MTPN: variants seen among roughly 807,000 people sequenced by gnomAD.
The protein encoded by MTPN is granule cell differentiation protein.
In MTPN, 2 loss-of-function variants were observed where a neutral mutation model predicts 13.5. That is an observed-to-expected ratio of 0.15 (90% CI 0.06 to 0.47). The LOEUF is 0.47. MTPN is among the 20% of genes least tolerant of loss of function. MTPN has a pLI of 0.97. For synonymous variants in MTPN, 46 were observed against 51.7 expected (o/e 0.89, Z 0.48); for missense variants, 79 against 137.9 (o/e 0.57, Z 2.14).
chr7:135,970,454 G>T (rs1228376583), intron 1 of MTPN, among the ~76,000 whole-genome samples: 2 of 151,984 alleles, frequency 1.3e-5, no homozygotes, highest in East Asian at 3.8e-4. Context: ...GCCAATTTTT[G>T]TCTTCTTTAT....
At chr7:135,964,195 T>C (rs1367591048) in intron 1 of MTPN, among the ~76,000 whole-genome samples, 1 of 152,024 alleles carries the variant, frequency 6.6e-6, no homozygotes, top group African/African-American at 2.4e-5. Context: ...TAACTTTATC[T>C]TAACAAACTG....
At position 135,969,450 on chromosome 7, in the gene MTPN, TTATAA is replaced by T. The variant is rs1413320325; in HGVS notation, c.72+7574_72+7578del. The stretch of plus-strand genomic sequence containing the variant: ...TTAATTTGCATTTTCCTAATATCTG[TTATAA>T]TATATACCACTTAACGTGCAAAAAA... On this transcript the variant is annotated intron_variant, in intron 1 of 3. Transcript: ENST00000393085. 3.3e-5 allele frequency among the ~76,000 whole-genome samples: 5 copies of T among 151,620 alleles called. No individual in the cohort carries two copies. In the East Asian group the frequency reaches 9.7e-4, roughly 29 times the overall value.
chr7:135,969,091 G>T (rs1414339279), intron 1 of MTPN, among the ~76,000 whole-genome samples: 2 of 110,176 alleles, frequency 1.8e-5, no homozygotes, highest in African/African-American at 6.7e-5. Flanking sequence ...TGTGGGGTGG[G>T]GGGGGGGGAG....
Position 135,951,504 on chromosome 7 carries a change from G to A in MTPN, c.186+13C>T, listed in dbSNP as rs1052326436. On this transcript the variant is annotated intron_variant, in intron 2 of 3. Transcript: ENST00000393085. ...AGAAAATTTTTTCAAGAATGATCAC[G>A]TCCTCTACGTACATTAATATCTGCT... The A allele has an allele frequency of 5.1e-6, 8 of 1,574,078 alleles. No homozygotes were observed. The highest frequency in any genetic ancestry group is 1.1e-5 in the South Asian group (1 of 87,342).
intron 1 of MTPN, among the ~76,000 whole-genome samples, chr7:135,965,254 G>A (rs1377929487): frequency 6.6e-6 from 1 of 151,954 alleles, no homozygotes; most frequent in Non-Finnish European, 1.5e-5. Flanking sequence ...TTTAAAACTT[G>A]TACACAACAT....
chr7:135,957,178 A>G (rs1443761), intron 1 of MTPN, among the ~76,000 whole-genome samples: 12,036 of 152,284 alleles, frequency 0.079, 537 homozygotes, highest in Admixed American at 0.1. Context: ...TGTAATCTAA[A>G]TAACATATAT....
intron 3 of MTPN, among the ~76,000 whole-genome samples, chr7:135,930,515 C>T (rs766757420): frequency 1.3e-5 from 2 of 152,124 alleles, no homozygotes; most frequent in South Asian, 2.1e-4. Context: ...GCCTGAGATG[C>T]GGACTATAAG....
chr7:135,960,444 C>T (rs978667312), intron 1 of MTPN, among the ~76,000 whole-genome samples: 1 of 151,966 alleles, frequency 6.6e-6, no homozygotes, highest in Non-Finnish European at 1.5e-5. Flanking sequence ...TCTTCTAGTA[C>T]ATAAGCAGGT....
rs778178216 is a variant in MTPN, at chr7:135,977,122, T to C, written c.-22A>G. 3 of 1,613,558 alleles carry C rather than the reference T, an allele frequency of 1.9e-6. No individual in the cohort carries two copies. The African/African-American group carries it at 4.0e-5, about 22-fold the overall frequency. On this transcript the variant is annotated 5_prime_UTR_variant, in exon 1 of 4. Transcript: ENST00000393085. ...ACATCACTGCAGCGGGGCAGGCCGG[T>C]TGGCCGGGCAGAAGATGAGGAGGCG...
At chr7:135,931,327 G>C (rs1188509178) in intron 3 of MTPN, among the ~76,000 whole-genome samples, 1 of 152,144 alleles carries the variant, frequency 6.6e-6, no homozygotes. Context: ...ATCAGAACAG[G>C]ATGTGGCAGG....
rs116499168 is a variant in MTPN, at chr7:135,954,062, T to C, written c.73-2432A>G. ...TAGCACTCCAACTCTACCACTTAGT[T>C]GTGGGACCAGAGACCAGGTACTTTC... On this transcript the variant is annotated intron_variant, in intron 1 of 3. Transcript: ENST00000393085. Among the ~76,000 whole-genome samples the C allele has an allele frequency of 9.0e-3, 1,378 of 152,276 alleles. 28 individuals are homozygous for C. The highest frequency in any genetic ancestry group is 0.031 in the African/African-American group (1,290 of 41,554).
chr7:135,959,982 G>C (rs2116391603), intron 1 of MTPN, among the ~76,000 whole-genome samples: 1 of 151,862 alleles, frequency 6.6e-6, no homozygotes, highest in East Asian at 1.9e-4. Context: ...CTTATTAAAT[G>C]GTTTATTCTA....
chr7:135,970,734 T>TA lies in MTPN; in HGVS notation c.72+6294dup, dbSNP rs1048612312. On this transcript the variant is annotated intron_variant, in intron 1 of 3. Transcript: ENST00000393085. ...CTGAATGAACATTTATGTTCCAATG[T>TA]AAAAAAAGATCTTCCTCTATTTTAT... 9.2e-5 allele frequency among the ~76,000 whole-genome samples: 14 copies of TA among 152,160 alleles called. No individual in the cohort carries two copies. The East Asian group carries it at 2.5e-3, about 27-fold the overall frequency.
chr7:135,945,480 A>T (rs962561858), intron 3 of MTPN, among the ~76,000 whole-genome samples: 12 of 152,138 alleles, frequency 7.9e-5, no homozygotes, highest in Non-Finnish European at 1.6e-4. Context: ...CTAATTAAAA[A>T]TTTTTTAAAA....
intron 1 of MTPN, among the ~76,000 whole-genome samples, chr7:135,974,054 T>C (rs1799736634): frequency 6.6e-6 from 1 of 152,198 alleles, no homozygotes; most frequent in African/African-American, 2.4e-5. Flanking sequence ...TAAATTTTTC[T>C]CTCAATACTG....
rs537058267 is a variant in MTPN, at chr7:135,930,675, G to A, written c.271-663C>T. On this transcript the variant is annotated intron_variant, in intron 3 of 3. Coordinates refer to ENST00000393085, the MANE Select transcript of MTPN (RefSeq NM_145808.4). ...TGTATGTGCCCTTTTGTGCCTGTAT[G>A]TTGTTTCATCTGTCTACCCTTTCTG... Among the ~76,000 whole-genome samples the A allele has an allele frequency of 7.5e-4, 114 of 152,220 alleles. 3 individuals carry two copies. In the South Asian group the frequency reaches 0.023, roughly 30 times the overall value.
chr7:135,931,500 T>C (rs145629426), intron 3 of MTPN, among the ~76,000 whole-genome samples: 8 of 152,262 alleles, frequency 5.3e-5, no homozygotes, highest in African/African-American at 1.9e-4. Flanking sequence ...AAAGTCTCTA[T>C]TTCCTCATTT....
intron 1 of MTPN, among the ~76,000 whole-genome samples, chr7:135,962,960 A>C (rs1799548463): frequency 6.6e-6 from 1 of 152,040 alleles, no homozygotes; most frequent in Non-Finnish European, 1.5e-5. Context: ...CTGAGTTCCA[A>C]GGTATAGGTA....
intron 1 of MTPN, among the ~76,000 whole-genome samples, chr7:135,956,458 T>C (rs564873636): frequency 1.8e-3 from 267 of 152,328 alleles, no homozygotes; most frequent in Non-Finnish European, 3.2e-3. Flanking sequence ...GTTTTCCTTT[T>C]CCTCTGGCTC....
Sources: allele counts gnomAD v4.1 joint callset (sites outside exome capture counted in the v4.1 genomes callset), GRCh38; gene constraint gnomAD v4.1.1; transcripts MANE v1.5; gene names NCBI Gene and HGNC (gene_info 2026-07-23, HGNC 2026-07-21).